Variants in A2M observed in about 807,000 individuals in gnomAD.
A2M encodes the protein alpha-2-macroglobulin.
Under a neutral mutation model 183.9 loss-of-function variants are expected in A2M, and 128 were observed. The observed-to-expected ratio is 0.70, with a 90% CI of 0.60 to 0.81. The LOEUF (loss-of-function observed/expected upper bound fraction) is 0.81, where lower values mean the gene tolerates loss of function less well. A2M is among the 30% of genes least tolerant of loss of function. The pLI is 0.00. For synonymous variants in A2M, 592 were observed against 670.8 expected (o/e 0.88, Z 1.81); for missense variants, 1,495 against 1,787.6 (o/e 0.84, Z 2.95).
At chr12:9,093,430 A>T in intron 18 of A2M, 35 bp downstream of exon 18, 1 of 1,400,308 alleles carries the variant, frequency 7.1e-7, no homozygotes, top group Non-Finnish European at 1.0e-6. Context: ...AGGGACCTCT[A>T]TTGTTGCATA....
rs368521884 is a variant in A2M at position 9,113,557 on chromosome 12, G to C, written c.87-14C>G. The C allele has an allele frequency of 6.2e-7, 1 of 1,608,656 alleles. No homozygotes were observed. On this transcript the variant is annotated splice_polypyrimidine_tract_variant and intron_variant, in intron 1 of 35. Transcript: ENST00000318602. ...ACCATATACTGCCTGGGAATGAGACGGTTCAGTTAGAGGAAAGTGAAGGAA... is the reference window on the plus strand; with the variant it reads ...ACCATATACTGCCTGGGAATGAGACCGTTCAGTTAGAGGAAAGTGAAGGAA...
intron 26 of A2M, 56 bp from the exon 27 acceptor site, chr12:9,077,476 A>C (rs1683387487): frequency 6.5e-7 from 1 of 1,531,644 alleles, no homozygotes; most frequent in Middle Eastern, 1.7e-4. Flanking sequence ...GCTATTGATT[A>C]GTTCTTTCTA....
chr12:9,090,789 C>T (rs938752796), intron 19 of A2M, among the ~76,000 whole-genome samples: 2 of 152,090 alleles, frequency 1.3e-5, no homozygotes, highest in Non-Finnish European at 2.9e-5. Context: ...CCCGGATCTC[C>T]CGGCAGAGGA....
intron 33 of A2M, among the ~76,000 whole-genome samples, chr12:9,069,351 C>G (rs1948494634): frequency 6.6e-6 from 1 of 152,156 alleles, no homozygotes; most frequent in Non-Finnish European, 1.5e-5. Flanking sequence ...TTTTATGGTT[C>G]AAGTCCTTGT....
intron 11 of A2M, among the ~76,000 whole-genome samples, chr12:9,102,435 C>T (rs1050532466): frequency 6.6e-5 from 10 of 152,082 alleles, no homozygotes; most frequent in African/African-American, 9.7e-5. Context: ...AGGCTCGTCT[C>T]GATCTCCTGG....
rs769437940 is a variant in A2M at position 9,093,852 on chromosome 12, C to G, written c.2126-273G>C. On this transcript the variant is annotated intron_variant, in intron 17 of 35. Coordinates refer to ENST00000318602, the MANE Select transcript of A2M (RefSeq NM_000014.6). ...GAGGCCGAGACGGCGCCACTGCACT[C>G]CAGCCTGGGCGACCTGAGCGACAGA... Among the ~76,000 whole-genome samples, 29 of 149,114 alleles carry G rather than the reference C, an allele frequency of 1.9e-4. 1 individual carries two copies. The highest frequency in any genetic ancestry group is 7.3e-4 in the African/African-American group (28 of 38,590).
At position 9,115,662 on chromosome 12, in the gene A2M, G is replaced by A. The variant is rs373351776; in HGVS notation, c.86+102C>T. On this transcript the variant is annotated intron_variant, in intron 1 of 35. Transcript: ENST00000318602. ...CTGGAAGGAATCTTAGAGATAAGAA[G>A]ATGACAGTATCATAGGAAAGAAAAA... 2.7e-4 allele frequency: 224 copies of A among 840,712 alleles called. 3 individuals carry two copies. The South Asian group carries it at 3.4e-3, about 13-fold the overall frequency. The allele number at this position is 840,712 out of a possible 1,614,324, so 52.1% of individuals were successfully genotyped here.
In A2M at chr12:9,095,040, G is replaced by C. The variant is rs767063790; in HGVS notation, c.2058C>G (p.Pro686=). ...KAFTNSKIRK[P]KMCPQLQQYE... ...ACTGTTGAAGCTGTGGACACATTTT[G>C]GGTTTACGAATCTTTGAGTTGGTGA... Residue 686 remains proline, a synonymous_variant, in exon 17 of 36, where the codon CCC becomes CCG. Coordinates refer to ENST00000318602, the MANE Select transcript of A2M (RefSeq NM_000014.6). 76 of 1,596,876 alleles carry C rather than the reference G, an allele frequency of 4.8e-5. No individual in the cohort carries two copies. Among genetic ancestry groups the C allele is most frequent in the East Asian group, 2.0e-4 (9 of 44,294 alleles).
chr12:9,099,660 C>G, intron 13 of A2M, 137 bp from the exon 14 acceptor site: 1 of 1,060,444 alleles, frequency 9.4e-7, no homozygotes, highest in Non-Finnish European at 1.3e-6. Flanking sequence ...GAAAAAAACC[C>G]TATCAAAGCC....
intron 3 of A2M, 83 bp from the exon 4 acceptor site, chr12:9,112,294 T>C: frequency 6.2e-7 from 1 of 1,603,824 alleles, no homozygotes; most frequent in Non-Finnish European, 8.5e-7. Flanking sequence ...GGAACCAAGA[T>C]TATAGGAACT....
chr12:9,077,598 T>C, intron 26 of A2M, 103 bp downstream of exon 26: 1 of 1,538,302 alleles, frequency 6.5e-7, no homozygotes, highest in East Asian at 2.3e-5. Context: ...GGTTTTATTT[T>C]CCTCTGAGGC....
chr12:9,115,709 T>C, intron 1 of A2M, 55 bp downstream of exon 1: 1 of 1,329,412 alleles, frequency 7.5e-7, no homozygotes. Context: ...AAGAAAAATC[T>C]GCAATAAATG....
chr12:9,091,568 G>A, intron 18 of A2M, 139 bp from the exon 19 acceptor site: 1 of 844,446 alleles, frequency 1.2e-6, no homozygotes, highest in South Asian at 1.9e-5. Flanking sequence ...GTATAATCAA[G>A]GATTGAGATG....
intron 22 of A2M, among the ~76,000 whole-genome samples, chr12:9,084,505 C>A (rs1210048236): frequency 1.3e-5 from 2 of 151,774 alleles, no homozygotes; most frequent in Non-Finnish European, 2.9e-5. Context: ...GACTGTAAAC[C>A]CCATAGTAAC....
At chr12:9,093,713 G>A (rs930249668) in intron 17 of A2M, 134 bp from the exon 18 acceptor site, 11 of 514,534 alleles carry the variant, frequency 2.1e-5, no homozygotes, top group Admixed American at 7.7e-5. Context: ...AGGAGAGGGC[G>A]CTTGGGTCAT....
At chr12:9,101,285 A>T in intron 12 of A2M, 78 bp from the exon 13 acceptor site, 1 of 1,456,904 alleles carries the variant, frequency 6.9e-7, no homozygotes. Context: ...TACTTGTTTT[A>T]TTGAGTCCCT....
At chr12:9,068,709 A>G in intron 34 of A2M, 31 bp downstream of exon 34, 1 of 1,504,630 alleles carries the variant, frequency 6.6e-7, no homozygotes, top group Non-Finnish European at 9.1e-7. Flanking sequence ...CAGGAATTAA[A>G]TATTTCTACG....
rs774281660 is a variant in A2M at position 9,107,516 on chromosome 12, C to T, written c.879+8G>A. On this transcript the variant is annotated splice_region_variant and intron_variant, in intron 8 of 35. Coordinates refer to ENST00000318602, the MANE Select transcript of A2M (RefSeq NM_000014.6). ...GCTATTCTCTAGAAAAAATAGTGTTCAACCTACCTGTCCACTGAATTTCTC... is the reference window on the plus strand; with the variant it reads ...GCTATTCTCTAGAAAAAATAGTGTTTAACCTACCTGTCCACTGAATTTCTC... 1.2e-6 allele frequency: 2 copies of T among 1,613,650 alleles called. No homozygotes were observed. The highest frequency in any genetic ancestry group is 3.3e-5 in the Admixed American group (2 of 60,016).
chr12:9,090,104 T>C lies in A2M; in HGVS notation c.2597-81A>G, dbSNP rs748543356. The C allele has an allele frequency of 6.5e-6, 10 of 1,540,710 alleles. No individual in the cohort carries two copies. In the Admixed American group the frequency reaches 1.2e-4, roughly 18 times the overall value. On this transcript the variant is annotated intron_variant, in intron 20 of 35. Coordinates refer to ENST00000318602, the MANE Select transcript of A2M (RefSeq NM_000014.6). ...AAACTCAAGATTTAGAAATGTTCAA[T>C]GCTCTGTAAACTTTTGTTTTATTAA...
Sources: allele counts gnomAD v4.1 joint callset (sites outside exome capture counted in the v4.1 genomes callset), GRCh38; gene constraint gnomAD v4.1.1; transcripts MANE v1.5; gene names NCBI Gene and HGNC (gene_info 2026-07-23, HGNC 2026-07-21).